The following PCDH15 variants were observed in gnomAD, a reference collection of about 807,000 sequenced individuals.
PCDH15 encodes the protein protocadherin related 15, also known as protocadherin-15.
In PCDH15, 129 loss-of-function variants were observed where a neutral mutation model predicts 178.5. The observed-to-expected ratio is 0.72, with a 90% CI of 0.63 to 0.84. The LOEUF is 0.84. Among genes scored for constraint, PCDH15 ranks in the 40% least tolerant of loss-of-function variants. PCDH15 has a pLI of 0.00. For synonymous variants in PCDH15, 800 were observed against 732.0 expected, an observed-to-expected ratio of 1.09 and a Z score of -1.50; for missense variants, 2,230 against 2,099.9, an observed-to-expected ratio of 1.06 and a Z score of -1.21.
chr10:54,487,914 C>CAA (rs1309518177), intron 3 of PCDH15, among the ~76,000 whole-genome samples: 1 of 151,842 alleles, frequency 6.6e-6, no homozygotes, highest in Non-Finnish European at 1.5e-5. Context: ...TTTTCTTATG[C>CAA]AAAATGCTGA....
At chr10:54,411,215 T>C (rs1233725259) in intron 3 of PCDH15, among the ~76,000 whole-genome samples, 1 of 57,082 alleles carries the variant, frequency 1.8e-5, no homozygotes, top group Non-Finnish European at 4.9e-5. Context: ...TATATTCCAG[T>C]TATATATAGG....
At chr10:54,287,275 C>T (rs2059088817) in intron 8 of PCDH15, among the ~76,000 whole-genome samples, 1 of 152,102 alleles carries the variant, frequency 6.6e-6, no homozygotes, top group African/African-American at 2.4e-5. Context: ...TATCTGAAAA[C>T]AATAATGAGG....
intron 2 of PCDH15, among the ~76,000 whole-genome samples, chr10:54,599,243 C>G (rs1387831446): frequency 2.0e-5 from 3 of 152,200 alleles, no homozygotes; most frequent in Admixed American, 1.3e-4. Context: ...ATCATGCTAC[C>G]TGACTTCAAA....
chr10:55,122,749 C>A (rs75671932), intron 2 of PCDH15, among the ~76,000 whole-genome samples: 1 of 151,984 alleles, frequency 6.6e-6, no homozygotes, highest in Non-Finnish European at 1.5e-5. Context: ...GGTAGCTGAA[C>A]AAATCTTATA....
intron 2 of PCDH15, among the ~76,000 whole-genome samples, chr10:55,594,163 T>A (rs1240060415): frequency 1.3e-5 from 2 of 151,914 alleles, no homozygotes; most frequent in Non-Finnish European, 1.5e-5. Context: ...TGTGAAAATA[T>A]GTTTCCAGTG....
At chr10:54,689,427 C>T (rs761533362) in intron 1 of PCDH15, among the ~76,000 whole-genome samples, 24 of 152,190 alleles carry the variant, frequency 1.6e-4, no homozygotes, top group Non-Finnish European at 2.2e-4. Context: ...ATTATTATCA[C>T]GGCTTGAATG....
At chr10:53,924,662 A>G (rs1217648412) in intron 25 of PCDH15, among the ~76,000 whole-genome samples, 2 of 152,230 alleles carry the variant, frequency 1.3e-5, no homozygotes, top group Non-Finnish European at 2.9e-5. Context: ...GGGGACTTGG[A>G]GAACCTTTAC....
intron 8 of PCDH15, among the ~76,000 whole-genome samples, chr10:54,297,862 C>A (rs1234285857): frequency 2.0e-5 from 3 of 152,152 alleles, no homozygotes; most frequent in Non-Finnish European, 4.4e-5. Flanking sequence ...TTAGATCAAA[C>A]CCTGGCCTTT....
intron 1 of PCDH15, among the ~76,000 whole-genome samples, chr10:55,310,241 G>C (rs537040683): frequency 6.6e-6 from 1 of 152,070 alleles, no homozygotes; most frequent in African/African-American, 2.4e-5. Context: ...AACTCCAAAA[G>C]CAGGAAATAT....
chr10:54,208,723 G>A (rs1237220760), intron 10 of PCDH15, among the ~76,000 whole-genome samples: 3 of 151,480 alleles, frequency 2.0e-5, no homozygotes, highest in Non-Finnish European at 3.0e-5. Flanking sequence ...ACGTGTCTGT[G>A]TGTGTGTGCG....
intron 25 of PCDH15, among the ~76,000 whole-genome samples, chr10:53,908,085 A>T (rs1589364619): frequency 6.6e-6 from 1 of 152,132 alleles, no homozygotes; most frequent in Non-Finnish European, 1.5e-5. Context: ...GAAGCCAATG[A>T]GTTAAAAGTG....
At chr10:55,472,591 C>T (rs573771349) in intron 2 of PCDH15, among the ~76,000 whole-genome samples, 39 of 151,006 alleles carry the variant, frequency 2.6e-4, no homozygotes, top group Middle Eastern at 3.4e-3. Context: ...TGTTTTGAGA[C>T]GGAGTCTCGC....
At chr10:55,165,787 C>A (rs993010887) in intron 2 of PCDH15, among the ~76,000 whole-genome samples, 18 of 151,884 alleles carry the variant, frequency 1.2e-4, no homozygotes, top group African/African-American at 4.1e-4. Context: ...TATATTTCTT[C>A]TTTAATAATA....
intron 2 of PCDH15, among the ~76,000 whole-genome samples, chr10:55,372,348 G>C (rs1404016800): frequency 6.6e-6 from 1 of 152,008 alleles, no homozygotes; most frequent in Non-Finnish European, 1.5e-5. Flanking sequence ...CTTAGTTTTT[G>C]CATAGGAGAA....
At chr10:54,853,283 ATG>A (rs770984436) in intron 3 of PCDH15, among the ~76,000 whole-genome samples, 1,470 of 74,992 alleles carry the variant, frequency 0.02, 29 homozygotes, top group African/African-American at 0.051. Flanking sequence ...ATGTGTATGT[ATG>A]TGTGTATATA....
At chr10:54,171,328 G>T (rs1209398602) in intron 13 of PCDH15, among the ~76,000 whole-genome samples, 2 of 152,136 alleles carry the variant, frequency 1.3e-5, no homozygotes. Context: ...AAAAAGGACT[G>T]GACAATACTT....
In PCDH15 at chr10:54,545,720, ATAATAG is replaced by A. The variant is rs148688137; in HGVS notation, c.92-17849_92-17844del. On this transcript the variant is annotated intron_variant, in intron 2 of 37. Transcript: ENST00000644397. ...GTATATATTGCTGCTAAAAGTACTTATAATAGTAAAACATTATATATGTTTATTAAA... is the reference window on the plus strand; with the variant it reads ...GTATATATTGCTGCTAAAAGTACTTATAAAACATTATATATGTTTATTAAA... Among the ~76,000 whole-genome samples, 510 of 152,366 alleles carry A rather than the reference ATAATAG, an allele frequency of 3.3e-3. 2 individuals are homozygous for A. Among genetic ancestry groups the A allele is most frequent in the African/African-American group, 0.011 (477 of 41,588 alleles).
In PCDH15 at chr10:55,529,774, T is replaced by TATATATATATAC. The variant is rs1353923863; in HGVS notation, c.-156+97850_-156+97851insGTATATATATAT. Among the ~76,000 whole-genome samples, 3 of 139,834 alleles carry TATATATATATAC rather than the reference T, an allele frequency of 2.1e-5. No individual in the cohort carries two copies. In the East Asian group the frequency reaches 6.3e-4, roughly 29 times the overall value. 91.7% of individuals were successfully genotyped at this position (139,834 alleles called of 152,430 possible). On this transcript the variant is annotated intron_variant, in intron 2 of 5. Coordinates refer to the PCDH15 transcript ENST00000613346. ...ATATATATATATATATATATATATA[T>TATATATATATAC]ATATTTGATTACCACAAATACATAT... is the stretch of plus-strand genomic sequence containing the variant.
intron 1 of PCDH15, among the ~76,000 whole-genome samples, chr10:55,285,281 T>C (rs1357139440): frequency 4.6e-5 from 7 of 150,800 alleles, no homozygotes; most frequent in Non-Finnish European, 1.0e-4. Context: ...ATAAAATCGA[T>C]TTTTAAAAAT....
Sources: allele counts gnomAD v4.1 joint callset (sites outside exome capture counted in the v4.1 genomes callset), GRCh38; gene constraint gnomAD v4.1.1; transcripts MANE v1.5; gene names NCBI Gene and HGNC (gene_info 2026-07-23, HGNC 2026-07-21).